Variants in IGSF5 observed in about 807,000 individuals in gnomAD.
The protein encoded by IGSF5 is immunoglobulin superfamily 5 like.
Under a neutral mutation model 39.4 loss-of-function variants are expected in IGSF5, and 41 were observed. The observed-to-expected ratio is 1.04, with a 90% CI of 0.81 to 1.35. The LOEUF (loss-of-function observed/expected upper bound fraction) is 1.35, where lower values mean the gene tolerates loss of function less well. Ranked by LOEUF, IGSF5 falls within the 40% of genes most tolerant of loss-of-function variation. IGSF5 has a pLI of 0.00. For synonymous variants in IGSF5, 183 were observed against 175.3 expected (o/e 1.04, Z -0.34); for missense variants, 487 against 494.6 (o/e 0.98, Z 0.15).
chr21:39,716,243 G>A, the IGSF5 span, among the ~76,000 whole-genome samples: 1 of 152,206 alleles, frequency 6.6e-6, no homozygotes, highest in South Asian at 2.1e-4. Flanking sequence ...CCAACCATAA[G>A]TCCCCACCCC....
intron 2 of IGSF5, among the ~76,000 whole-genome samples, chr21:39,753,928 G>GT (rs200030478): frequency 0.016 from 2,219 of 137,696 alleles, 53 homozygotes; most frequent in African/African-American, 0.055. Flanking sequence ...GTGTTTTTTT[G>GT]TTTTTTTTTA....
chr21:39,721,938 T>TA, the IGSF5 span, among the ~76,000 whole-genome samples: 1 of 152,158 alleles, frequency 6.6e-6, no homozygotes, highest in Non-Finnish European at 1.5e-5. Flanking sequence ...TGCCAGGTAG[T>TA]AAATATTTTC....
At chr21:39,796,745 A>G (rs1226672232) in intron 8 of IGSF5, among the ~76,000 whole-genome samples, 2 of 152,228 alleles carry the variant, frequency 1.3e-5, no homozygotes, top group African/African-American at 4.8e-5. Flanking sequence ...CATGAAGCTC[A>G]GGTCCTGAAA....
intron 2 of IGSF5, among the ~76,000 whole-genome samples, chr21:39,750,528 C>G (rs1354324819): frequency 5.2e-5 from 6 of 116,204 alleles, no homozygotes; most frequent in Non-Finnish European, 1.2e-4. Flanking sequence ...AAAAAAAAAG[C>G]AGTTCAGTAT....
rs529140039 is a variant in IGSF5 at position 39,791,178 on chromosome 21, G to A, written c.957-830G>A. On this transcript the variant is annotated intron_variant, in intron 6 of 8. Transcript: ENST00000380588. ...AGAAGGTGTACAGGCTTACACTCCC[G>A]CTAGCAGTGTGTGAGAGCTCTCATA... is the stretch of plus-strand genomic sequence containing the variant. Among the ~76,000 whole-genome samples the A allele has an allele frequency of 1.2e-3, 188 of 152,280 alleles. 2 individuals carry two copies. In the South Asian group the frequency reaches 0.033, roughly 27 times the overall value.
At chr21:39,731,117 T>C in the IGSF5 span, among the ~76,000 whole-genome samples, 70 of 152,326 alleles carry the variant, frequency 4.6e-4, 1 homozygote, top group South Asian at 0.014. Context: ...GCATGGGCTA[T>C]CCTTTCCCAC....
intron 4 of IGSF5, among the ~76,000 whole-genome samples, chr21:39,772,923 A>G (rs531405797): frequency 5.3e-5 from 8 of 152,342 alleles, no homozygotes; most frequent in African/African-American, 1.9e-4. Flanking sequence ...TAGCCAATAG[A>G]TATTGTGGGA....
At chr21:39,799,437 ATGTC>A (rs1301727443) in intron 8 of IGSF5, among the ~76,000 whole-genome samples, 2 of 152,106 alleles carry the variant, frequency 1.3e-5, no homozygotes, top group African/African-American at 4.8e-5. Flanking sequence ...CTGGATCAGA[ATGTC>A]TGGGAGATAG....
At chr21:39,773,603 T>A (rs1293781055) in intron 4 of IGSF5, among the ~76,000 whole-genome samples, 1 of 152,164 alleles carries the variant, frequency 6.6e-6, no homozygotes, top group African/African-American at 2.4e-5. Context: ...CCCTCCAAGC[T>A]GGTGCTGGTG....
intron 6 of IGSF5, among the ~76,000 whole-genome samples, chr21:39,790,413 G>A (rs1055207572): frequency 5.3e-5 from 8 of 152,082 alleles, no homozygotes; most frequent in Non-Finnish European, 8.8e-5. Context: ...TAGTCCCAGC[G>A]CTTTGGGAGG....
the IGSF5 span, chr21:39,730,102 C>T: frequency 1.3e-5 from 2 of 152,160 alleles, no homozygotes. Context: ...GGGTCATGGC[C>T]CCTCTGAAAC....
At chr21:39,764,540 A>G (rs1476267534) in intron 2 of IGSF5, among the ~76,000 whole-genome samples, 3 of 152,154 alleles carry the variant, frequency 2.0e-5, no homozygotes, top group Admixed American at 6.5e-5. Flanking sequence ...GGGTTTCACC[A>G]TGTTAGCCAG....
the IGSF5 span, among the ~76,000 whole-genome samples, chr21:39,714,208 G>C: frequency 6.6e-6 from 1 of 152,234 alleles, no homozygotes; most frequent in East Asian, 1.9e-4. Flanking sequence ...CTGTGCTTGG[G>C]ACTACACTTA....
the IGSF5 span, among the ~76,000 whole-genome samples, chr21:39,730,859 A>G: frequency 1.3e-5 from 2 of 152,348 alleles, no homozygotes; most frequent in South Asian, 4.2e-4. Context: ...CTTTTTGTCC[A>G]ACTATTCGGG....
At chr21:39,734,162 C>T in the IGSF5 span, among the ~76,000 whole-genome samples, 7 of 152,134 alleles carry the variant, frequency 4.6e-5, no homozygotes, top group East Asian at 1.9e-4. Flanking sequence ...CAGTGGCTCA[C>T]GCCTGTAATC....
the IGSF5 span, among the ~76,000 whole-genome samples, chr21:39,722,176 C>A: frequency 6.6e-6 from 1 of 152,106 alleles, no homozygotes; most frequent in African/African-American, 2.4e-5. Context: ...GAAAGGGAAG[C>A]TAGTGAAAGA....
the IGSF5 span, among the ~76,000 whole-genome samples, chr21:39,719,516 C>T: frequency 6.6e-6 from 1 of 151,956 alleles, no homozygotes. Context: ...ATGATGAATC[C>T]CTAGGCTCTC....
chr21:39,722,875 A>G, the IGSF5 span, among the ~76,000 whole-genome samples: 2 of 152,186 alleles, frequency 1.3e-5, no homozygotes, highest in African/African-American at 4.8e-5. Context: ...ATGATTTACT[A>G]TGTGACATAA....
At chr21:39,725,174 A>C in the IGSF5 span, among the ~76,000 whole-genome samples, 2 of 152,360 alleles carry the variant, frequency 1.3e-5, no homozygotes, top group Non-Finnish European at 1.5e-5. Context: ...TCTGCTACAG[A>C]GTCTGCCTTG....
Sources: gnomAD v4.1 joint callset for allele counts (sites outside exome capture counted in the v4.1 genomes callset) on GRCh38, gnomAD v4.1.1 for gene constraint, MANE v1.5 for transcripts, NCBI Gene and HGNC (gene_info 2026-07-23, HGNC 2026-07-21) for gene names.